The following NGLY1 variants were observed in gnomAD, a reference collection of about 807,000 sequenced individuals.
The protein encoded by NGLY1 is peptide-N(4)-(N-acetyl-beta-glucosaminyl)asparagine amidase.
In NGLY1, 68 loss-of-function variants were observed where a neutral mutation model predicts 84.6. That is an observed-to-expected ratio of 0.80 (90% confidence interval 0.66 to 0.98). The LOEUF is 0.98. Among genes scored for constraint, NGLY1 ranks in the 50% least tolerant of loss-of-function variants. The probability of loss-of-function intolerance (pLI) is 0.00; values close to 1 mark genes in which losing one functional copy is unlikely to be tolerated. For missense variants in NGLY1, 779 were observed against 770.2 expected, an observed-to-expected ratio of 1.01 and a Z score of -0.14; for synonymous variants, 280 against 275.2, an observed-to-expected ratio of 1.02 and a Z score of -0.17.
chr3:25,751,845 G>A (rs934921511), intron 3 of NGLY1, among the ~76,000 whole-genome samples: 2 of 152,172 alleles, frequency 1.3e-5, no homozygotes, highest in African/African-American at 2.4e-5. Flanking sequence ...TAATTATCTC[G>A]GCTTCTCCCT....
At chr3:25,774,344 C>T (rs190534856) in intron 2 of NGLY1, among the ~76,000 whole-genome samples, 20 of 152,294 alleles carry the variant, frequency 1.3e-4, no homozygotes, top group Admixed American at 1.2e-3. Context: ...TTGGGTTTCT[C>T]AGGCAGTGGG....
intron 9 of NGLY1, chr3:25,730,019 C>T (rs1233307073): frequency 1.3e-5 from 2 of 152,094 alleles, no homozygotes; most frequent in African/African-American, 4.8e-5. Context: ...TCAACCATTT[C>T]CTCAGTGTCC....
intron 3 of NGLY1, among the ~76,000 whole-genome samples, chr3:25,754,199 C>T (rs1417796607): frequency 6.6e-6 from 1 of 151,998 alleles, no homozygotes; most frequent in Non-Finnish European, 1.5e-5. Context: ...GGGGATATAA[C>T]GGTTAAAAAT....
intron 2 of NGLY1, among the ~76,000 whole-genome samples, chr3:25,767,806 A>G (rs1707663398): frequency 6.6e-6 from 1 of 152,200 alleles, no homozygotes; most frequent in African/African-American, 2.4e-5. Context: ...TACCATATAC[A>G]AAAATCAAAT....
chr3:25,746,887 T>C (rs766998072), intron 4 of NGLY1, among the ~76,000 whole-genome samples: 1 of 152,192 alleles, frequency 6.6e-6, no homozygotes, highest in Non-Finnish European at 1.5e-5. Context: ...TGCAGTGCAG[T>C]GGTGCAATCT....
chr3:25,783,508 AGGGGCGGGGTCCTCGGCCGGCAGGG>A (rs1708525194), upstream of NGLY1: 1 of 1,081,496 alleles, frequency 9.2e-7, no homozygotes, highest in East Asian at 5.6e-5. This position sits in a 1 kb window ranked among gnomAD's most constrained non-coding sequence, Gnocchi z 4.5. Context: ...CTCGGCCGGC[AGGGGCGGGGTCCTCGGCCGGCAGGG>A]GCGGGGTCCT....
upstream of NGLY1, among the ~76,000 whole-genome samples, chr3:25,785,934 TAA>T (rs916973702): frequency 6.6e-6 from 1 of 152,320 alleles, no homozygotes; most frequent in South Asian, 2.1e-4. Context: ...CCTATTTGAT[TAA>T]AAGTCTCTTG....
chr3:25,768,375 C>T (rs1379476268), intron 2 of NGLY1, among the ~76,000 whole-genome samples: 2 of 149,268 alleles, frequency 1.3e-5, no homozygotes, highest in African/African-American at 2.5e-5. Context: ...TGAGTAGTGA[C>T]TGTGCCACTG....
chr3:25,750,009 T>C (rs765072248), intron 4 of NGLY1: 1 of 535,426 alleles, frequency 1.9e-6, no homozygotes, highest in Non-Finnish European at 3.3e-6. Flanking sequence ...AGTTTGTTCT[T>C]ATGCTGCTAT....
intron 3 of NGLY1, among the ~76,000 whole-genome samples, chr3:25,762,631 G>A (rs868782078): frequency 6.6e-6 from 1 of 152,068 alleles, no homozygotes; most frequent in Non-Finnish European, 1.5e-5. Context: ...TAAAGACCTG[G>A]AACTATATCT....
At chr3:25,783,754 T>G (rs796643097), upstream of NGLY1, among the ~76,000 whole-genome samples, 7 of 151,126 alleles carry the variant, frequency 4.6e-5, 1 homozygote, top group African/African-American at 1.7e-4. This position sits in a 1 kb window ranked among gnomAD's most constrained non-coding sequence, Gnocchi z 4.5. Flanking sequence ...CGACCCAGAG[T>G]TGGGGCCTGG....
intron 2 of NGLY1, among the ~76,000 whole-genome samples, chr3:25,770,465 T>A (rs972822426): frequency 3.9e-5 from 6 of 152,176 alleles, no homozygotes; most frequent in Non-Finnish European, 5.9e-5. Flanking sequence ...ATTTTCTTCA[T>A]CCACTTGTTG....
At chr3:25,719,685 A>G (rs779644221) in intron 11 of NGLY1, 50 bp from the exon 12 acceptor site, 7 of 1,444,130 alleles carry the variant, frequency 4.8e-6, no homozygotes, top group Middle Eastern at 3.6e-4. Flanking sequence ...TAATTTAAAG[A>G]GCACAGATCA....
chr3:25,783,434 G>T lies in NGLY1; in HGVS notation c.-44C>A, dbSNP rs752656378. On this transcript the variant is annotated 5_prime_UTR_variant, in exon 1 of 12. Coordinates refer to ENST00000280700, the MANE Select transcript of NGLY1 (RefSeq NM_018297.4). This position sits in a 1 kb window ranked among gnomAD's most constrained non-coding sequence, Gnocchi z 4.5. The stretch of plus-strand genomic sequence containing the variant: ...GCCGCCGCCGCCCCTCGCTCTCCGC[G>T]TCCCACACTGAGCAGGCGCCTCAGC... The T allele has an allele frequency of 3.3e-6, 5 of 1,498,298 alleles. No individual in the cohort carries two copies. The highest frequency in any genetic ancestry group is 3.5e-6 in the Non-Finnish European group (4 of 1,126,782). The allele number at this position is 1,498,298 out of a possible 1,614,324, so 92.8% of individuals were successfully genotyped here. A position where few individuals can be genotyped will look rare whatever the true frequency, so the allele number is the denominator to read the frequency against.
intron 10 of NGLY1, among the ~76,000 whole-genome samples, 173 bp downstream of exon 10, chr3:25,728,960 T>C (rs1705400908): frequency 6.6e-6 from 1 of 152,160 alleles, no homozygotes; most frequent in Non-Finnish European, 1.5e-5. Context: ...CAAGAATTTC[T>C]AGTGGACTTT....
At position 25,719,554 on chromosome 3, in the gene NGLY1, TCAC is replaced by T. The variant is rs771630737; in HGVS notation, c.1868_1870del (p.Gly623del). The T allele has an allele frequency of 1.4e-5, 23 of 1,613,860 alleles. No individual in the cohort carries two copies. Among genetic ancestry groups the T allele is most frequent in the Non-Finnish European group, 1.9e-5 (22 of 1,179,892 alleles). On this transcript the variant is annotated inframe_deletion, in exon 12 of 12. Transcript: ENST00000280700. ...CAGCTGGGTGTGTTGCCAAGCGACA[TCAC>T]CATCTCCTCTGCTTAATTCTGCTTC...
intron 9 of NGLY1, 59 bp from the exon 10 acceptor site, chr3:25,729,377 G>A (rs2125460292): frequency 1.3e-5 from 14 of 1,091,702 alleles, no homozygotes; most frequent in East Asian, 3.0e-5. Context: ...AAAGAAAAAA[G>A]AGAAATTACT....
Position 25,746,874 on chromosome 3 carries a change from G to C in NGLY1, c.658+4224C>G, listed in dbSNP as rs1706462879. Among the ~76,000 whole-genome samples, 3 of 152,116 alleles carry C rather than the reference G, an allele frequency of 2.0e-5. No individual in the cohort carries two copies. In the South Asian group the frequency reaches 6.2e-4, roughly 32 times the overall value. Reference sequence around the variant, plus strand: ...AGACGGAGTTTCGCTCTTTTGCCCAGGCTGCAGTGCAGTGGTGCAATCTCT... The same window carrying C: ...AGACGGAGTTTCGCTCTTTTGCCCACGCTGCAGTGCAGTGGTGCAATCTCT... On this transcript the variant is annotated intron_variant, in intron 4 of 11. Coordinates refer to ENST00000280700, the MANE Select transcript of NGLY1 (RefSeq NM_018297.4).
intron 3 of NGLY1, among the ~76,000 whole-genome samples, chr3:25,762,761 T>C (rs1707377026): frequency 6.6e-6 from 1 of 152,154 alleles, no homozygotes; most frequent in African/African-American, 2.4e-5. Context: ...GAGACCAGCC[T>C]GGCACACATG....
Sources: allele counts gnomAD v4.1 joint callset (sites outside exome capture counted in the v4.1 genomes callset), GRCh38; gene constraint gnomAD v4.1.1; non-coding constraint Gnocchi (gnomAD v3.1); transcripts MANE v1.5; gene names NCBI Gene and HGNC (gene_info 2026-07-23, HGNC 2026-07-21).